Variants in MALT1 observed in about 807,000 individuals in gnomAD.
The protein encoded by MALT1 is mucosa-associated lymphoid tissue lymphoma translocation protein 1.
A neutral mutation model predicts 85.5 loss-of-function variants in MALT1; 36 were observed. That is an observed-to-expected ratio of 0.42 (90% CI 0.32 to 0.56). MALT1 has a LOEUF of 0.56. Among genes scored for constraint, MALT1 ranks in the 20% least tolerant of loss-of-function variants. The probability of loss-of-function intolerance (pLI) is 0.10; values close to 1 mark genes in which losing one functional copy is unlikely to be tolerated. For synonymous variants in MALT1, 359 were observed against 361.3 expected, an observed-to-expected ratio of 0.99 and a Z score of 0.07; for missense variants, 716 against 981.6, an observed-to-expected ratio of 0.73 and a Z score of 3.62.
intron 2 of MALT1, chr18:58,691,279 T>C: frequency 1.9e-6 from 1 of 531,748 alleles, no homozygotes; most frequent in Non-Finnish European, 3.4e-6. Context: ...CTGCACTTCC[T>C]GGAGAAAGCC....
intron 2 of MALT1, among the ~76,000 whole-genome samples, chr18:58,690,158 T>A (rs2054474763): frequency 6.6e-6 from 1 of 152,246 alleles, no homozygotes; most frequent in African/African-American, 2.4e-5. Flanking sequence ...CTACTTCATA[T>A]CTCTGTGTCA....
intron 2 of MALT1, among the ~76,000 whole-genome samples, chr18:58,695,749 C>T (rs1382630123): frequency 7.9e-5 from 12 of 152,174 alleles, no homozygotes; most frequent in Non-Finnish European, 4.4e-5. Flanking sequence ...GAGAGAGAAC[C>T]TACCTGCAAA....
intron 8 of MALT1, among the ~76,000 whole-genome samples, chr18:58,714,893 T>C (rs11874669): frequency 0.071 from 10,851 of 152,286 alleles, 1,302 homozygotes; most frequent in African/African-American, 0.25. Flanking sequence ...TCTCCACTTA[T>C]TTCTCATTAT....
chr18:58,726,513 C>A (rs1439834546), intron 10 of MALT1, among the ~76,000 whole-genome samples: 4 of 152,128 alleles, frequency 2.6e-5, no homozygotes, highest in African/African-American at 9.7e-5. Flanking sequence ...ATACGGAGAA[C>A]AGAGGAACTC....
At chr18:58,716,675 A>G (rs2054904530) in intron 9 of MALT1, among the ~76,000 whole-genome samples, 1 of 152,254 alleles carries the variant, frequency 6.6e-6, no homozygotes, top group South Asian at 2.1e-4. Context: ...AGAAAGATTC[A>G]GAAGTGAACA....
intron 14 of MALT1, among the ~76,000 whole-genome samples, chr18:58,742,767 A>T (rs2055319323): frequency 6.6e-6 from 1 of 152,224 alleles, no homozygotes; most frequent in South Asian, 2.1e-4. Flanking sequence ...GAATGAGTGC[A>T]TAGGTAGAAA....
At chr18:58,698,223 C>T (rs1033242955) in intron 3 of MALT1, among the ~76,000 whole-genome samples, 3 of 151,972 alleles carry the variant, frequency 2.0e-5, no homozygotes, top group Non-Finnish European at 2.9e-5. Context: ...CGCATCACCA[C>T]GCCCAGCTCA....
chr18:58,726,986 G>T (rs866622795), intron 10 of MALT1, among the ~76,000 whole-genome samples: 3 of 152,182 alleles, frequency 2.0e-5, no homozygotes, highest in Admixed American at 2.0e-4. Context: ...TGTGACTGTG[G>T]TTCTTTAACT....
intron 2 of MALT1, among the ~76,000 whole-genome samples, chr18:58,685,921 T>C (rs1048826087): frequency 1.3e-5 from 2 of 152,216 alleles, no homozygotes; most frequent in Admixed American, 1.3e-4. Context: ...TGATTTTTTT[T>C]TTTAGATCTT....
At chr18:58,687,655 A>G (rs184346921) in intron 2 of MALT1, among the ~76,000 whole-genome samples, 2 of 152,360 alleles carry the variant, frequency 1.3e-5, no homozygotes, top group Non-Finnish European at 2.9e-5. Flanking sequence ...GATGGACTTC[A>G]GTGTATGGAA....
chr18:58,737,056 C>T (rs1372184286), intron 13 of MALT1, among the ~76,000 whole-genome samples: 1 of 152,126 alleles, frequency 6.6e-6, no homozygotes, highest in Non-Finnish European at 1.5e-5. Flanking sequence ...AAACTCATTC[C>T]ATGGCTGGGC....
chr18:58,737,360 C>T (rs993456836), intron 13 of MALT1, among the ~76,000 whole-genome samples: 2 of 151,762 alleles, frequency 1.3e-5, no homozygotes, highest in African/African-American at 2.4e-5. Context: ...TGTGCACCTG[C>T]AGTGCCAGCT....
rs117654627 is a variant in MALT1 at position 58,676,393 on chromosome 18, T to C, written c.209+4541T>C. 2.7e-4 allele frequency among the ~76,000 whole-genome samples: 41 copies of C among 150,296 alleles called. No individual in the cohort carries two copies. In the East Asian group the frequency reaches 7.7e-3, roughly 28 times the overall value. Reference sequence around the variant, plus strand: ...AAAATGCCAACTCTCCTATTGTTTTTCCATCTCAGAGTAAAAACACCATTA... The same window carrying C: ...AAAATGCCAACTCTCCTATTGTTTTCCCATCTCAGAGTAAAAACACCATTA... On this transcript the variant is annotated intron_variant, in intron 1 of 16. Transcript: ENST00000649217.
chr18:58,688,299 TACAC>T (rs34923643), intron 2 of MALT1, among the ~76,000 whole-genome samples: 3,490 of 139,640 alleles, frequency 0.025, 44 homozygotes, highest in Middle Eastern at 0.036. Flanking sequence ...ATATATATGT[TACAC>T]ACACACACAC....
At chr18:58,710,986 C>G in intron 7 of MALT1, 33 bp downstream of exon 7, 1 of 1,514,290 alleles carries the variant, frequency 6.6e-7, no homozygotes, top group Non-Finnish European at 8.9e-7. Context: ...AACCAAATCT[C>G]CTGCATGCTA....
intron 12 of MALT1, 150 bp downstream of exon 12, chr18:58,734,531 C>G: frequency 1.6e-6 from 1 of 625,208 alleles, no homozygotes; most frequent in Non-Finnish European, 2.9e-6. Context: ...TCAAGCGATC[C>G]TCCTGCCTCA....
At chr18:58,723,610 G>C (rs2055014086) in intron 10 of MALT1, among the ~76,000 whole-genome samples, 2 of 152,040 alleles carry the variant, frequency 1.3e-5, no homozygotes, top group African/African-American at 4.8e-5. Context: ...GGTTTTCTTT[G>C]AGGGGGGTAG....
At chr18:58,700,877 C>T (rs1239066472) in intron 4 of MALT1, among the ~76,000 whole-genome samples, 2 of 151,910 alleles carry the variant, frequency 1.3e-5, no homozygotes, top group African/African-American at 2.4e-5. Flanking sequence ...CTGCAACTTC[C>T]GCCTCCCAGG....
chr18:58,675,592 T>G (rs1181503417), intron 1 of MALT1: 1 of 152,222 alleles, frequency 6.6e-6, no homozygotes, highest in Non-Finnish European at 1.5e-5. Context: ...CATTCAGTAA[T>G]CATTCATTTA....
Sources: gnomAD v4.1 joint callset for allele counts (sites outside exome capture counted in the v4.1 genomes callset) on GRCh38, gnomAD v4.1.1 for gene constraint, MANE v1.5 for transcripts, NCBI Gene and HGNC (gene_info 2026-07-23, HGNC 2026-07-21) for gene names.